The following BLOC1S5 variants were observed in gnomAD, a reference collection of about 807,000 sequenced individuals.
BLOC1S5 encodes the protein biogenesis of lysosome-related organelles complex 1 subunit 5.
In BLOC1S5, 27 loss-of-function variants were observed where a neutral mutation model predicts 24.3. The ratio of observed to expected loss-of-function variants is 1.11; its 90% CI spans 0.82 to 1.53. BLOC1S5 has a LOEUF of 1.53. Among genes scored for constraint, BLOC1S5 ranks in the 40% most tolerant of loss-of-function variants. The pLI, the probability that BLOC1S5 is intolerant of heterozygous loss-of-function variation, is 0.00. For synonymous variants in BLOC1S5, 84 were observed against 74.5 expected, an observed-to-expected ratio of 1.13 and a Z score of -0.66; for missense variants, 239 against 229.4, an observed-to-expected ratio of 1.04 and a Z score of -0.27.
intron 2 of BLOC1S5, among the ~76,000 whole-genome samples, chr6:8,052,048 GCTCCGC>G (rs1456372219): frequency 7.1e-6 from 1 of 140,116 alleles, no homozygotes; most frequent in Non-Finnish European, 1.5e-5. Flanking sequence ...CTCACTGCAA[GCTCCGC>G]CTCCCGGGTT....
chr6:8,030,670 G>A (rs939153818), intron 3 of BLOC1S5, among the ~76,000 whole-genome samples: 2 of 149,820 alleles, frequency 1.3e-5, no homozygotes, highest in African/African-American at 2.4e-5. Context: ...TCAGGAGTTC[G>A]AGACCAGCCT....
chr6:8,052,304 ATTTCAAC>A (rs1188382417), intron 2 of BLOC1S5, among the ~76,000 whole-genome samples: 2 of 152,140 alleles, frequency 1.3e-5, no homozygotes, highest in African/African-American at 4.8e-5. Context: ...TTAAGAAATC[ATTTCAAC>A]TTTCAAGACT....
chr6:8,038,586 G>A (rs1414237065), intron 3 of BLOC1S5, among the ~76,000 whole-genome samples: 2 of 152,162 alleles, frequency 1.3e-5, no homozygotes, highest in African/African-American at 2.4e-5. Context: ...CCGGGTTCAC[G>A]CCATTCTCCT....
chr6:8,057,281 T>C (rs1377518670), intron 2 of BLOC1S5, among the ~76,000 whole-genome samples: 3 of 152,164 alleles, frequency 2.0e-5, no homozygotes, highest in African/African-American at 4.8e-5. Context: ...GACACTATTA[T>C]ACAAAAAAGA....
chr6:8,048,122 G>A (rs952806085), intron 2 of BLOC1S5, among the ~76,000 whole-genome samples: 1 of 152,172 alleles, frequency 6.6e-6, no homozygotes, highest in Non-Finnish European at 1.5e-5. Context: ...TAGGACAAAC[G>A]CAAGGCCTTT....
intron 3 of BLOC1S5, among the ~76,000 whole-genome samples, chr6:8,035,189 A>G (rs1763444484): frequency 6.6e-6 from 1 of 152,076 alleles, no homozygotes; most frequent in Non-Finnish European, 1.5e-5. Flanking sequence ...TTGGGGACTC[A>G]GGGGGAAGGA....
At chr6:8,030,316 C>T (rs895855537) in intron 3 of BLOC1S5, among the ~76,000 whole-genome samples, 2 of 151,844 alleles carry the variant, frequency 1.3e-5, no homozygotes, top group African/African-American at 2.4e-5. Flanking sequence ...TGCACCACCA[C>T]GCCCGGCTAA....
At chr6:8,047,427 T>C (rs567221880) in intron 2 of BLOC1S5, among the ~76,000 whole-genome samples, 1 of 152,152 alleles carries the variant, frequency 6.6e-6, no homozygotes, top group Non-Finnish European at 1.5e-5. Context: ...TAAAAGACAT[T>C]TGTTGACCAC....
chr6:8,033,843 G>GA (rs1285380227), intron 3 of BLOC1S5, among the ~76,000 whole-genome samples: 2 of 152,196 alleles, frequency 1.3e-5, no homozygotes, highest in Non-Finnish European at 2.9e-5. Flanking sequence ...CTTCTCAAAA[G>GA]AAGACATCTG....
Position 8,015,751 on chromosome 6 carries a change from G to A in BLOC1S5, c.462C>T (p.Asn154=). The change falls in exon 5 of 5, where the codon AAC becomes AAT. Residue 154 remains asparagine (N), a synonymous_variant. Coordinates refer to ENST00000397457, the MANE Select transcript of BLOC1S5 (RefSeq NM_201280.3). ...GCTCTTCATCCACTTCAGCCCTTTTGTTGGGTTGCTCCTTCATGAAGTTGT... is the reference window on the plus strand; with the variant it reads ...GCTCTTCATCCACTTCAGCCCTTTTATTGGGTTGCTCCTTCATGAAGTTGT... ...QWDNFMKEQP[N]KRAEVDEEHR... 3.1e-6 allele frequency: 5 copies of A among 1,614,110 alleles called. No individual in the cohort carries two copies. Among genetic ancestry groups the A allele is most frequent in the Non-Finnish European group, 4.2e-6 (5 of 1,180,004 alleles).
At chr6:8,022,282 CA>C (rs1212584159) in intron 4 of BLOC1S5, among the ~76,000 whole-genome samples, 1 of 149,846 alleles carries the variant, frequency 6.7e-6, no homozygotes, top group East Asian at 2.0e-4. Flanking sequence ...AAACATCCTG[CA>C]ATGCACAGGA....
intron 3 of BLOC1S5, among the ~76,000 whole-genome samples, chr6:8,033,240 A>G (rs994582329): frequency 2.6e-5 from 4 of 152,260 alleles, no homozygotes; most frequent in Non-Finnish European, 4.4e-5. Flanking sequence ...CTACAAGGCT[A>G]CAGTAACCAA....
chr6:8,026,282 G>C, intron 4 of BLOC1S5, 85 bp downstream of exon 4: 1 of 1,132,114 alleles, frequency 8.8e-7, no homozygotes, highest in Non-Finnish European at 1.3e-6. Flanking sequence ...TGCATTCAGA[G>C]AATTTTCTGA....
chr6:8,019,608 G>GC lies in BLOC1S5; in HGVS notation c.385-3781_385-3780insG, dbSNP rs776230390. ...TTTACAACAATCAGTAAAGAAAAAA[G>GC]GGGGGGGGGGCGCCTATACATTCAT... On this transcript the variant is annotated intron_variant, in intron 4 of 4. Coordinates refer to ENST00000397457, the MANE Select transcript of BLOC1S5 (RefSeq NM_201280.3). 1.9e-3 allele frequency among the ~76,000 whole-genome samples: 10 copies of GC among 5,168 alleles called. No individual in the cohort carries two copies. In the East Asian group the frequency reaches 0.037, roughly 19 times the overall value. The allele number at this position is 5,168 out of a possible 152,430, so 3.4% of individuals were successfully genotyped here. A position where few individuals can be genotyped will look rare whatever the true frequency, so the allele number is the denominator to read the frequency against.
chr6:8,022,986 G>A (rs1196774492), intron 4 of BLOC1S5, among the ~76,000 whole-genome samples: 1 of 152,190 alleles, frequency 6.6e-6, no homozygotes, highest in East Asian at 1.9e-4. Context: ...TTGTGGACAA[G>A]GTGAATTAAA....
chr6:8,038,897 A>G (rs370734071), intron 3 of BLOC1S5, among the ~76,000 whole-genome samples: 39 of 152,232 alleles, frequency 2.6e-4, no homozygotes, highest in African/African-American at 8.9e-4. Flanking sequence ...CACTATGGAG[A>G]ACAGTTTGGA....
At chr6:8,034,155 T>C (rs1407507137) in intron 3 of BLOC1S5, among the ~76,000 whole-genome samples, 1 of 152,240 alleles carries the variant, frequency 6.6e-6, no homozygotes, top group Non-Finnish European at 1.5e-5. Flanking sequence ...TTATAAATCA[T>C]GCTACTATAA....
At position 8,015,782 on chromosome 6, in the gene BLOC1S5, T is replaced by C. The variant is rs1762711850; in HGVS notation, c.431A>G (p.Gln144Arg). 6.2e-7 allele frequency: 1 copy of C among 1,614,172 alleles called. No individual in the cohort carries two copies. The highest frequency in any genetic ancestry group is 8.5e-7 in the Non-Finnish European group (1 of 1,180,016). The change falls in exon 5 of 5, where the codon CAG (glutamine) becomes CGG (arginine). Residue 144 changes from glutamine (Q) to arginine (R), a missense_variant. Gln to Arg is a conservative substitution (Grantham distance 43). Coordinates refer to ENST00000397457, the MANE Select transcript of BLOC1S5 (RefSeq NM_201280.3). ...LVASEKQHML[Q>R]WDNFMKEQPN... The stretch of plus-strand genomic sequence containing the variant: ...TTGCTCCTTCATGAAGTTGTCCCAC[T>C]GGAGCATATGCTGTTTCTCACTAGC...
At chr6:8,032,655 G>T (rs1213576036) in intron 3 of BLOC1S5, among the ~76,000 whole-genome samples, 1 of 152,058 alleles carries the variant, frequency 6.6e-6, no homozygotes, top group Non-Finnish European at 1.5e-5. Context: ...AGAAATAAAG[G>T]GTATTCAATT....
Sources: allele counts gnomAD v4.1 joint callset (sites outside exome capture counted in the v4.1 genomes callset), GRCh38; gene constraint gnomAD v4.1.1; transcripts MANE v1.5; gene names NCBI Gene and HGNC (gene_info 2026-07-23, HGNC 2026-07-21).